EFCAB6: variants seen among roughly 807,000 people sequenced by gnomAD.
The protein encoded by EFCAB6 is EF-hand calcium binding domain 6, also known as EF-hand calcium-binding domain-containing protein 6.
In EFCAB6, 156 loss-of-function variants were observed where a neutral mutation model predicts 169.8. That is an observed-to-expected ratio of 0.92 (90% confidence interval 0.81 to 1.05). The LOEUF (loss-of-function observed/expected upper bound fraction) is 1.05, where lower values mean the gene tolerates loss of function less well. EFCAB6 is among the 50% of genes least tolerant of loss of function. The pLI is 0.00. For missense variants in EFCAB6, 1,800 were observed against 1,829.1 expected (o/e 0.98, Z 0.29); for synonymous variants, 698 against 676.4 (o/e 1.03, Z -0.50).
At position 43,667,783 on chromosome 22, in the gene EFCAB6, T is replaced by C. The variant is rs117870069; in HGVS notation, c.1815-511A>G. On this transcript the variant is annotated intron_variant, in intron 16 of 31. Coordinates refer to ENST00000262726, the MANE Select transcript of EFCAB6 (RefSeq NM_022785.4). ...TTACTCCACAAATCGGCTTGATTTA[T>C]AAAATACAAATTGAATGTGCTGTTC... Among the ~76,000 whole-genome samples, 455 of 152,314 alleles carry C rather than the reference T, an allele frequency of 3.0e-3. 4 individuals are homozygous for C. Among genetic ancestry groups the C allele is most frequent in the South Asian group, 7.9e-3 (38 of 4,824 alleles).
In EFCAB6 at chr22:43,530,921, A is replaced by C. The variant is rs746574690; in HGVS notation, c.4277T>G (p.Leu1426Arg). 1.9e-6 allele frequency: 3 copies of C among 1,614,230 alleles called. No homozygotes were observed. The South Asian group carries it at 3.3e-5, about 18-fold the overall frequency. Residue 1426 changes from leucine (L) to arginine (R), a missense_variant, in exon 31 of 32, where the codon CTG becomes CGG. Leu to Arg is a moderately radical substitution (Grantham distance 102). Transcript: ENST00000262726. The stretch of plus-strand genomic sequence containing the variant: ...GTGCACAATTTTGGGCTGAATACGC[A>C]GCAGAGCAGAGTAAAAAGATGGCGT... ...AETPSFYSAL[L>R]RIQPKIVHCW...
rs559504092 is a variant in EFCAB6 at position 43,707,368 on chromosome 22, T to A, written c.1031+4107A>T. On this transcript the variant is annotated intron_variant, in intron 10 of 31. Transcript: ENST00000262726. ...ACCAGTGAGAATGGGGTGGAGACAA[T>A]ATTCAAAGAATCATAGCTGGGAACG... is the stretch of plus-strand genomic sequence containing the variant. Among the ~76,000 whole-genome samples, 14 of 152,184 alleles carry A rather than the reference T, an allele frequency of 9.2e-5. No homozygotes were observed. The East Asian group carries it at 2.7e-3, about 29-fold the overall frequency.
chr22:43,754,946 G>A (rs1363186414), intron 6 of EFCAB6, among the ~76,000 whole-genome samples: 4 of 152,138 alleles, frequency 2.6e-5, no homozygotes, highest in Admixed American at 1.3e-4. Context: ...AGTGAAACAG[G>A]TTTTTAGAAA....
intron 21 of EFCAB6, among the ~76,000 whole-genome samples, chr22:43,612,791 G>A (rs2053408662): frequency 6.6e-6 from 1 of 152,066 alleles, no homozygotes; most frequent in African/African-American, 2.4e-5. Flanking sequence ...CTACTCAGGA[G>A]GCTGAGGCAT....
intron 3 of EFCAB6, among the ~76,000 whole-genome samples, chr22:43,775,036 G>A (rs2061594886): frequency 6.6e-6 from 1 of 152,076 alleles, no homozygotes. Flanking sequence ...TAGGAGAGGA[G>A]TGACACAGTA....
At chr22:43,558,243 G>T (rs183102428) in intron 26 of EFCAB6, among the ~76,000 whole-genome samples, 3 of 152,290 alleles carry the variant, frequency 2.0e-5, no homozygotes, top group Admixed American at 6.5e-5. Flanking sequence ...TAGGAAAGTG[G>T]CTGGATTCAA....
chr22:43,784,547 A>ATATACATATATATG (rs1204100633), intron 2 of EFCAB6, among the ~76,000 whole-genome samples: 1 of 81,092 alleles, frequency 1.2e-5, no homozygotes, highest in Non-Finnish European at 2.4e-5. Flanking sequence ...GTGTGTGTAT[A>ATATACATATATATG]TGTATATATA....
chr22:43,580,139 C>T (rs1291880623), intron 25 of EFCAB6, among the ~76,000 whole-genome samples: 1 of 152,128 alleles, frequency 6.6e-6, no homozygotes, highest in African/African-American at 2.4e-5. Flanking sequence ...TCTCTGTGGA[C>T]CCAGTGCCTG....
At chr22:43,810,071 G>A (rs910324116) in intron 1 of EFCAB6, among the ~76,000 whole-genome samples, 7 of 151,972 alleles carry the variant, frequency 4.6e-5, no homozygotes, top group African/African-American at 1.7e-4. Flanking sequence ...TATGGGGGGG[G>A]TCTGACTTTG....
intron 30 of EFCAB6, among the ~76,000 whole-genome samples, chr22:43,531,274 G>C (rs563912955): frequency 6.6e-6 from 1 of 152,110 alleles, no homozygotes; most frequent in Non-Finnish European, 1.5e-5. Context: ...GTGGAGACTC[G>C]GGGAGGTAAA....
At chr22:43,695,931 C>T (rs1350155284) in intron 10 of EFCAB6, among the ~76,000 whole-genome samples, 1 of 151,830 alleles carries the variant, frequency 6.6e-6, no homozygotes, top group Non-Finnish European at 1.5e-5. Flanking sequence ...AATAGACACC[C>T]CCAAAATATT....
Position 43,669,000 on chromosome 22 carries a change from G to A in EFCAB6, c.1686C>T (p.Tyr562=), listed in dbSNP as rs1218125868. The A allele has an allele frequency of 8.7e-6, 14 of 1,612,032 alleles. No individual in the cohort carries two copies. Among genetic ancestry groups the A allele is most frequent in the Admixed American group, 3.3e-5 (2 of 59,744 alleles). ...TTCCTATGCATGCCAAAAGTTTCTT[G>A]TAAAGGATTCTTCCTGAACCAATGT... ...IQDIGSGRIL[Y]KKLLACIGID... The change falls in exon 16 of 32, where the codon TAC becomes TAT. Residue 562 remains tyrosine, a synonymous_variant. Coordinates refer to ENST00000262726, the MANE Select transcript of EFCAB6 (RefSeq NM_022785.4).
In EFCAB6 at chr22:43,616,069, A is replaced by G. The variant is rs931541675; in HGVS notation, c.2466-147T>C. 5 of 600,792 alleles carry G rather than the reference A, an allele frequency of 8.3e-6. No homozygotes were observed. The African/African-American group carries it at 9.2e-5, about 11-fold the overall frequency. 37.2% of individuals were successfully genotyped at this position (600,792 alleles called of 1,614,324 possible). On this transcript the variant is annotated intron_variant, in intron 20 of 31. Coordinates refer to ENST00000262726, the MANE Select transcript of EFCAB6 (RefSeq NM_022785.4). Reference sequence around the variant, plus strand: ...TCTGGTTTAACTTAATTCTTAAAATACAGTCTTATTTCTCCAGCTGCATGT... The same window carrying G: ...TCTGGTTTAACTTAATTCTTAAAATGCAGTCTTATTTCTCCAGCTGCATGT...
intron 19 of EFCAB6, among the ~76,000 whole-genome samples, chr22:43,629,193 A>G (rs1448413381): frequency 6.6e-6 from 1 of 152,214 alleles, no homozygotes; most frequent in African/African-American, 2.4e-5. Flanking sequence ...ATGAGATCAT[A>G]CATGGCTAAT....
intron 4 of EFCAB6, among the ~76,000 whole-genome samples, chr22:43,766,404 C>A (rs2061328198): frequency 6.6e-6 from 1 of 152,124 alleles, no homozygotes; most frequent in African/African-American, 2.4e-5. Context: ...CACATACACA[C>A]AGATAATGAG....
chr22:43,676,221 T>C (rs1052227756), intron 13 of EFCAB6, among the ~76,000 whole-genome samples: 3 of 151,636 alleles, frequency 2.0e-5, no homozygotes, highest in South Asian at 2.1e-4. Flanking sequence ...ATCGAGACCA[T>C]CCTGGCTAAC....
chr22:43,725,256 CT>C (rs2059688119), intron 8 of EFCAB6, among the ~76,000 whole-genome samples: 1 of 151,770 alleles, frequency 6.6e-6, no homozygotes, highest in Non-Finnish European at 1.5e-5. Context: ...ATTCTCCTGC[CT>C]CAGCCTCCCG....
chr22:43,790,102 T>C (rs1465892744), intron 2 of EFCAB6, among the ~76,000 whole-genome samples: 4 of 152,190 alleles, frequency 2.6e-5, no homozygotes, highest in African/African-American at 9.7e-5. Context: ...AGTACTTTGC[T>C]TTCCCTCTCT....
At position 43,744,328 on chromosome 22, in the gene EFCAB6, A is replaced by T. The variant is rs968013221; in HGVS notation, c.508-8335T>A. Among the ~76,000 whole-genome samples the T allele has an allele frequency of 2.2e-4, 33 of 152,168 alleles. No homozygotes were observed. The highest frequency in any genetic ancestry group is 1.0e-3 in the Admixed American group (16 of 15,284). ...ACAATCCTTGTAGAGACAGGACAGG[A>T]ACCTGCAAAAAGGGTAGACAAGCAT... is the stretch of plus-strand genomic sequence containing the variant. On this transcript the variant is annotated intron_variant, in intron 6 of 31. Coordinates refer to ENST00000262726, the MANE Select transcript of EFCAB6 (RefSeq NM_022785.4). This position sits in a 1 kb window ranked among gnomAD's most constrained non-coding sequence, Gnocchi z 4.3.
Sources: allele counts gnomAD v4.1 joint callset (sites outside exome capture counted in the v4.1 genomes callset), GRCh38; gene constraint gnomAD v4.1.1; non-coding constraint Gnocchi (gnomAD v3.1); transcripts MANE v1.5; gene names NCBI Gene and HGNC (gene_info 2026-07-23, HGNC 2026-07-21).